C4orf50: variants seen among roughly 807,000 people sequenced by gnomAD.
C4orf50 encodes chromosome 4 open reading frame 50.
In C4orf50, 80 loss-of-function variants were observed where a neutral mutation model predicts 77.2. The ratio of observed to expected loss-of-function variants is 1.04; its 90% CI spans 0.87 to 1.25. C4orf50 has a LOEUF of 1.25. Among genes scored for constraint, C4orf50 ranks in the 50% most tolerant of loss-of-function variants. The probability of loss-of-function intolerance (pLI) is 0.00; values close to 1 mark genes in which losing one functional copy is unlikely to be tolerated. For missense variants in C4orf50, 1,257 were observed against 1,152.9 expected (o/e 1.09, Z -1.31); for synonymous variants, 532 against 465.3 (o/e 1.14, Z -1.84).
chr4:6,008,144 C>T lies in C4orf50; in HGVS notation c.815G>A (p.Arg272His), dbSNP rs966536071. 1.5e-5 allele frequency: 6 copies of T among 398,848 alleles called. No individual in the cohort carries two copies. Among genetic ancestry groups the T allele is most frequent in the Non-Finnish European group, 2.7e-5 (6 of 226,056 alleles). The allele number at this position is 398,848 out of a possible 1,614,324, so 24.7% of individuals were successfully genotyped here. The change falls in exon 25 of 34, where the codon CGC becomes CAC. Residue 272 changes from arginine to histidine, a missense_variant. By Grantham distance (29) the Arg-to-His change is conservative. Coordinates refer to ENST00000531445, the Ensembl canonical transcript of C4orf50. This position sits in a 1 kb window ranked among gnomAD's most constrained non-coding sequence, Gnocchi z 6.0. ...GCAGCGCAGCTCCTCCAGCTGCCCGCGGAGCTGGCGCTCGGTGGCCCGGTG... is the reference window on the plus strand; with the variant it reads ...GCAGCGCAGCTCCTCCAGCTGCCCGTGGAGCTGGCGCTCGGTGGCCCGGTG...
chr4:5,902,555 G>T (rs959820942), intron 7 of C4orf50: 1 of 152,188 alleles, frequency 6.6e-6, no homozygotes, highest in African/African-American at 2.4e-5. Context: ...GCATCTGCTG[G>T]GTGCCAAGCC....
At chr4:5,986,925 T>C (rs1293800489) in intron 28 of C4orf50, among the ~76,000 whole-genome samples, 2 of 152,150 alleles carry the variant, frequency 1.3e-5, no homozygotes, top group Non-Finnish European at 2.9e-5. Context: ...ACATATTCCT[T>C]ACCTCTAATC....
chr4:5,918,312 G>T (rs144453958), intron 7 of C4orf50, among the ~76,000 whole-genome samples: 60 of 152,336 alleles, frequency 3.9e-4, no homozygotes, highest in African/African-American at 1.3e-3. Flanking sequence ...GAGTCACAGA[G>T]TGGGAGGGCC....
intron 7 of C4orf50, among the ~76,000 whole-genome samples, chr4:5,923,554 A>G (rs982392208): frequency 3.3e-5 from 5 of 152,072 alleles, no homozygotes; most frequent in African/African-American, 1.2e-4. Flanking sequence ...GAAAGGAGGC[A>G]GAACCCACAG....
chr4:6,004,408 A>G (rs1577993002), intron 25 of C4orf50, among the ~76,000 whole-genome samples: 5 of 36,096 alleles, frequency 1.4e-4, no homozygotes, highest in Non-Finnish European at 2.4e-4. Flanking sequence ...GGTGATGGAG[A>G]TGTTGGTGAT....
rs1017309250 is a variant in C4orf50, at chr4:6,008,496, G to A, written c.463C>T (p.Arg155Trp). Residue 155 changes from arginine to tryptophan, a missense_variant, in exon 25 of 34, where the codon CGG (arginine) becomes TGG (tryptophan). Transcript: ENST00000531445. The surrounding 1 kb of genome is among the most constrained non-coding windows in gnomAD (Gnocchi z 6.0). ...AACCGCTCCTGCAACCGCCGCAGCC[G>A]CCACTGCTGCCGCCTGGCCACGCTC... is the stretch of plus-strand genomic sequence containing the variant. The A allele has an allele frequency of 8.8e-5, 35 of 397,876 alleles. No homozygotes were observed. The highest frequency in any genetic ancestry group is 5.1e-4 in the African/African-American group (25 of 48,558). 24.6% of individuals were successfully genotyped at this position (397,876 alleles called of 1,614,324 possible). A position where few individuals can be genotyped will look rare whatever the true frequency, so the allele number is the denominator to read the frequency against.
At position 5,991,700 on chromosome 4, in the gene C4orf50, G is replaced by C. The variant is rs1187288303; in HGVS notation, c.1222-876C>G. ...TGGAGCCCCTAGAATAGCTGGGAGA[G>C]GCTGAGCAGGTCTAAGACACAGAAG... On this transcript the variant is annotated intron_variant, in intron 27 of 33. Coordinates refer to ENST00000531445, the Ensembl canonical transcript of C4orf50. Among the ~76,000 whole-genome samples the C allele has an allele frequency of 2.6e-5, 4 of 152,232 alleles. No individual in the cohort carries two copies. The East Asian group carries it at 7.8e-4, about 30-fold the overall frequency.
At chr4:5,987,762 G>T (rs895686600) in intron 28 of C4orf50, among the ~76,000 whole-genome samples, 1 of 152,080 alleles carries the variant, frequency 6.6e-6, no homozygotes, top group African/African-American at 2.4e-5. Context: ...TCCTACACAT[G>T]GTGAAGGCCA....
At chr4:5,988,509 G>A (rs1187889305) in exon 28 of C4orf50, 3 of 1,539,958 alleles carry the variant, frequency 1.9e-6, no homozygotes, top group Non-Finnish European at 2.6e-6. Flanking sequence ...GCGATGGAGG[G>A]GGAGAATCAG....
In C4orf50 at chr4:6,000,218, G is replaced by T. The variant is rs1577986216; in HGVS notation, c.964-5742C>A. ...GTCACACAGCATGCGATGCTCTCTG[G>T]ACTCTGCGACTTCACAGATGTGCAG... is the stretch of plus-strand genomic sequence containing the variant. On this transcript the variant is annotated intron_variant, in intron 25 of 33. Transcript: ENST00000531445. The surrounding 1 kb of genome is among the most constrained non-coding windows in gnomAD (Gnocchi z 6.0). Among the ~76,000 whole-genome samples, 1 of 152,188 alleles carries T rather than the reference G, an allele frequency of 6.6e-6. No homozygotes were observed. The highest frequency in any genetic ancestry group is 1.9e-4 in the East Asian group (1 of 5,168).
intron 7 of C4orf50, among the ~76,000 whole-genome samples, chr4:5,928,379 TACACAC>T (rs765175509): frequency 2.1e-5 from 2 of 95,848 alleles, no homozygotes; most frequent in African/African-American, 5.7e-5. Flanking sequence ...CACACACACA[TACACAC>T]ACACACACAC....
chr4:5,978,948 T>C (rs1720426572), intron 29 of C4orf50, among the ~76,000 whole-genome samples: 1 of 152,236 alleles, frequency 6.6e-6, no homozygotes, highest in Non-Finnish European at 1.5e-5. Flanking sequence ...TAACATGCTT[T>C]GATCTTACAA....
At chr4:5,935,259 CAG>C (rs1440867871) in intron 7 of C4orf50, among the ~76,000 whole-genome samples, 4 of 152,190 alleles carry the variant, frequency 2.6e-5, no homozygotes, top group Non-Finnish European at 4.4e-5. Context: ...TGGACGCAGA[CAG>C]AGTCAGGGAG....
At chr4:5,949,553 AAG>A (rs1718631931) in intron 7 of C4orf50, among the ~76,000 whole-genome samples, 1 of 152,228 alleles carries the variant, frequency 6.6e-6, no homozygotes, top group Admixed American at 6.5e-5. Flanking sequence ...GATGAGAATG[AAG>A]AGTTACTGTT....
At chr4:5,941,013 A>G (rs1184547908) in intron 7 of C4orf50, among the ~76,000 whole-genome samples, 1 of 152,148 alleles carries the variant, frequency 6.6e-6, no homozygotes, top group East Asian at 1.9e-4. Flanking sequence ...CCAGCTGAAA[A>G]CCACCCTGCA....
intron 28 of C4orf50, among the ~76,000 whole-genome samples, chr4:5,983,317 TG>T (rs1285688522): frequency 6.6e-6 from 1 of 152,228 alleles, no homozygotes; most frequent in Non-Finnish European, 1.5e-5. Flanking sequence ...GCAAGCCTTC[TG>T]CAACCTGCCT....
chr4:5,942,469 C>T (rs1481570133), intron 7 of C4orf50, among the ~76,000 whole-genome samples: 2 of 152,166 alleles, frequency 1.3e-5, no homozygotes, highest in Non-Finnish European at 2.9e-5. Context: ...AATGTGACAG[C>T]ATGTGTGAAA....
chr4:5,992,841 C>A lies in C4orf50; in HGVS notation c.1183G>T (p.Glu395Ter). The A allele has an allele frequency of 2.5e-6, 1 of 398,988 alleles. No homozygotes were observed. The highest frequency in any genetic ancestry group is 3.6e-5 in the East Asian group (1 of 28,048). 24.7% of individuals were successfully genotyped at this position (398,988 alleles called of 1,614,324 possible). ...GATCCGGCCAGGTCTCTGGGGAGCT[C>A]GCTTGTGGTCTCCGGGCCTGGAGCC... The change falls in exon 27 of 34, where the codon GAG (glutamate) becomes TAG (stop). Residue 395 changes from glutamate to a stop codon, truncating the protein, a stop_gained. Coordinates refer to ENST00000531445, the Ensembl canonical transcript of C4orf50. LOFTEE classifies it high-confidence loss of function. The surrounding 1 kb of genome is among the most constrained non-coding windows in gnomAD (Gnocchi z 5.0).
intron 33 of C4orf50, among the ~76,000 whole-genome samples, chr4:5,960,204 C>A (rs903953624): frequency 1.3e-5 from 2 of 152,172 alleles, no homozygotes; most frequent in African/African-American, 2.4e-5. Flanking sequence ...AAAGCCAAGC[C>A]CATCTGATTT....
Sources: gnomAD v4.1 joint callset for allele counts (sites outside exome capture counted in the v4.1 genomes callset) on GRCh38, gnomAD v4.1.1 for gene constraint, Gnocchi (gnomAD v3.1) non-coding constraint, MANE v1.5 for transcripts, NCBI Gene and HGNC (gene_info 2026-07-23, HGNC 2026-07-21) for gene names.